FAM3C: variants seen among roughly 807,000 people sequenced by gnomAD.
FAM3C encodes FAM3 metabolism regulating signaling molecule C, also known as protein FAM3C.
FAM3C carries 15 observed loss-of-function variants against 32.5 expected under a neutral mutation model. The ratio of observed to expected loss-of-function variants is 0.46; its 90% CI spans 0.31 to 0.71. The LOEUF is 0.71. FAM3C is among the 30% of genes least tolerant of loss of function. FAM3C has a pLI of 0.05. For missense variants in FAM3C, 175 were observed against 274.4 expected, an observed-to-expected ratio of 0.64 and a Z score of 2.56; for synonymous variants, 75 against 86.1, an observed-to-expected ratio of 0.87 and a Z score of 0.72.
chr7:121,376,042 T>C (rs1160079599), intron 3 of FAM3C, among the ~76,000 whole-genome samples: 1 of 152,046 alleles, frequency 6.6e-6, no homozygotes, highest in African/African-American at 2.4e-5. Context: ...ATGGAACGAG[T>C]CCTCTATGCC....
intron 1 of FAM3C, among the ~76,000 whole-genome samples, chr7:121,388,694 CT>C (rs1794515541): frequency 6.6e-6 from 1 of 152,132 alleles, no homozygotes; most frequent in Admixed American, 6.6e-5. Flanking sequence ...TCAACATCAT[CT>C]GGCTTTTCTT....
chr7:121,389,211 A>AATTCCAAAACAT (rs1794529277), intron 1 of FAM3C, among the ~76,000 whole-genome samples: 2 of 152,258 alleles, frequency 1.3e-5, no homozygotes, highest in East Asian at 3.9e-4. Context: ...GTATTCCAAC[A>AATTCCAAAACAT]TGATTCATCT....
chr7:121,383,393 C>T (rs1250437310), intron 1 of FAM3C, among the ~76,000 whole-genome samples: 2 of 152,092 alleles, frequency 1.3e-5, no homozygotes, highest in African/African-American at 2.4e-5. Flanking sequence ...AGTTGTGGAA[C>T]AAATTATTTG....
In FAM3C at chr7:121,350,416, A is replaced by G. The variant is rs1793680355; in HGVS notation, c.*45T>C. 5 of 1,609,778 alleles carry G rather than the reference A, an allele frequency of 3.1e-6. No individual in the cohort carries two copies. In the East Asian group the frequency reaches 6.7e-5, roughly 22 times the overall value. Reference sequence around the variant, plus strand: ...TAGCTCTGCCATTTATAGCTCTCCCATTAAGAGTGAAAGTGCGCTTTCTTC... The same window carrying G: ...TAGCTCTGCCATTTATAGCTCTCCCGTTAAGAGTGAAAGTGCGCTTTCTTC... On this transcript the variant is annotated 3_prime_UTR_variant, in exon 10 of 10. Coordinates refer to ENST00000359943, the MANE Select transcript of FAM3C (RefSeq NM_014888.3).
At chr7:121,354,342 T>C (rs1430200435) in intron 8 of FAM3C, among the ~76,000 whole-genome samples, 1 of 152,216 alleles carries the variant, frequency 6.6e-6, no homozygotes, top group Admixed American at 6.5e-5. Context: ...TATATTATTT[T>C]AGTGAATAAT....
chr7:121,389,776 G>T (rs564912469), intron 1 of FAM3C, among the ~76,000 whole-genome samples: 1 of 150,434 alleles, frequency 6.6e-6, no homozygotes, highest in Admixed American at 6.6e-5. Flanking sequence ...AAAAAAAAAA[G>T]GTAGACATCA....
chr7:121,349,502 A>G lies in FAM3C; in HGVS notation c.*959T>C, dbSNP rs1191618441. The G allele has an allele frequency of 6.6e-6, 1 of 152,198 alleles. No homozygotes were observed. The highest frequency in any genetic ancestry group is 1.5e-5 in the Non-Finnish European group (1 of 68,046). 9.4% of individuals were successfully genotyped at this position (152,198 alleles called of 1,614,324 possible). ...AGAACTTTTGTAAATATGCCACTAT[A>G]GCTTCGGGCAATAATTGCTATTATG... is the stretch of plus-strand genomic sequence containing the variant. On this transcript the variant is annotated 3_prime_UTR_variant, in exon 10 of 10. Coordinates refer to ENST00000359943, the MANE Select transcript of FAM3C (RefSeq NM_014888.3).
intron 6 of FAM3C, among the ~76,000 whole-genome samples, chr7:121,363,570 A>T (rs1793967860): frequency 6.6e-6 from 1 of 152,128 alleles, no homozygotes; most frequent in South Asian, 2.1e-4. Context: ...ACCATCCTAC[A>T]TAGCTTTATG....
chr7:121,391,795 T>G (rs1337976206), intron 1 of FAM3C, among the ~76,000 whole-genome samples: 1 of 152,160 alleles, frequency 6.6e-6, no homozygotes, highest in Non-Finnish European at 1.5e-5. Flanking sequence ...CTGAAGTAAA[T>G]TAAAATGGAA....
At chr7:121,370,712 G>C (rs995067721) in intron 5 of FAM3C, among the ~76,000 whole-genome samples, 3 of 152,102 alleles carry the variant, frequency 2.0e-5, no homozygotes, top group African/African-American at 7.2e-5. Flanking sequence ...ATGGAACTGA[G>C]GTTATCACTG....
intron 2 of FAM3C, among the ~76,000 whole-genome samples, chr7:121,382,467 C>T (rs144576669): frequency 5.6e-4 from 85 of 151,490 alleles, no homozygotes; most frequent in Non-Finnish European, 9.9e-4. Context: ...TTTCTCAAGA[C>T]GCTAGAACAT....
chr7:121,364,276 A>G, intron 5 of FAM3C, 88 bp from the exon 6 acceptor site: 1 of 828,126 alleles, frequency 1.2e-6, no homozygotes, highest in Non-Finnish European at 2.0e-6. Flanking sequence ...AAAAGTTAGG[A>G]ATATTATACA....
chr7:121,380,077 T>C (rs1794318610), intron 2 of FAM3C: 1 of 152,196 alleles, frequency 6.6e-6, no homozygotes, highest in African/African-American at 2.4e-5. Context: ...TCTAGCAAAG[T>C]GCACTGTATA....
At chr7:121,388,422 A>G (rs973785624) in intron 1 of FAM3C, among the ~76,000 whole-genome samples, 3 of 152,058 alleles carry the variant, frequency 2.0e-5, no homozygotes, top group Non-Finnish European at 4.4e-5. Flanking sequence ...CAAAAACAAA[A>G]TTGGGGGTGT....
At chr7:121,382,606 C>T (rs1187583717) in intron 2 of FAM3C, among the ~76,000 whole-genome samples, 1 of 142,812 alleles carries the variant, frequency 7.0e-6, no homozygotes, top group Non-Finnish European at 1.5e-5. Context: ...ACCAGCTGAA[C>T]TTCCCAAATC....
At chr7:121,370,845 G>A (rs977559361) in intron 5 of FAM3C, among the ~76,000 whole-genome samples, 3 of 152,208 alleles carry the variant, frequency 2.0e-5, no homozygotes, top group Non-Finnish European at 2.9e-5. Context: ...TTTCTGCCAC[G>A]ATGAAAATGC....
At position 121,362,966 on chromosome 7, in the gene FAM3C, A is replaced by G; in HGVS notation, c.332-19T>C. 8.6e-7 allele frequency: 1 copy of G among 1,165,270 alleles called. No individual in the cohort carries two copies. The highest frequency in any genetic ancestry group is 1.3e-6 in the Non-Finnish European group (1 of 781,108). 72.2% of individuals were successfully genotyped at this position (1,165,270 alleles called of 1,614,324 possible). Reference sequence around the variant, plus strand: ...GTTTTTCCTAAAAGAGATTAAATTCATATCAAATTATGCATCTGAAATATA... The same window carrying G: ...GTTTTTCCTAAAAGAGATTAAATTCGTATCAAATTATGCATCTGAAATATA... On this transcript the variant is annotated intron_variant, in intron 6 of 9. Coordinates refer to ENST00000359943, the MANE Select transcript of FAM3C (RefSeq NM_014888.3).
chr7:121,395,858 G>C (rs1247248187), intron 1 of FAM3C, among the ~76,000 whole-genome samples: 2 of 151,884 alleles, frequency 1.3e-5, no homozygotes, highest in Non-Finnish European at 1.5e-5. Context: ...GCCCGCCCCA[G>C]GCCGGGGCGC....
chr7:121,363,495 T>A (rs993594886), intron 6 of FAM3C, among the ~76,000 whole-genome samples: 1 of 152,160 alleles, frequency 6.6e-6, no homozygotes, highest in African/African-American at 2.4e-5. Context: ...GCTGTGAAAG[T>A]AGTAAAATAT....
Sources: allele counts gnomAD v4.1 joint callset (sites outside exome capture counted in the v4.1 genomes callset), GRCh38; gene constraint gnomAD v4.1.1; transcripts MANE v1.5; gene names NCBI Gene and HGNC (gene_info 2026-07-23, HGNC 2026-07-21).